NDUFAF2: variants seen among roughly 807,000 people sequenced by gnomAD.
NDUFAF2 encodes the protein NADH dehydrogenase [ubiquinone] 1 alpha subcomplex assembly factor 2.
NDUFAF2 carries 13 observed loss-of-function variants against 22.8 expected under a neutral mutation model. That is an observed-to-expected ratio of 0.57 (90% CI 0.37 to 0.91). The LOEUF (loss-of-function observed/expected upper bound fraction) is 0.91, where lower values mean the gene tolerates loss of function less well. NDUFAF2 is among the 40% of genes least tolerant of loss of function. The pLI, the probability that NDUFAF2 is intolerant of heterozygous loss-of-function variation, is 0.01. For missense variants in NDUFAF2, 162 were observed against 195.2 expected, an observed-to-expected ratio of 0.83 and a Z score of 1.01; for synonymous variants, 53 against 64.2, an observed-to-expected ratio of 0.83 and a Z score of 0.84.
chr5:61,041,960 A>G (rs1396233167), intron 1 of NDUFAF2, among the ~76,000 whole-genome samples: 1 of 152,204 alleles, frequency 6.6e-6, no homozygotes, highest in Admixed American at 6.5e-5. Flanking sequence ...TTTTCCTGAC[A>G]TATCATGTGA....
intron 3 of NDUFAF2, among the ~76,000 whole-genome samples, chr5:61,140,422 CAG>C (rs1579851543): frequency 6.6e-6 from 1 of 152,134 alleles, no homozygotes; most frequent in Admixed American, 6.5e-5. Context: ...CTATAGTTGC[CAG>C]AGTCATCTTT....
At chr5:61,105,629 C>CAAAAAAAAAAAAAAAAAAAA (rs35145386) in intron 3 of NDUFAF2, among the ~76,000 whole-genome samples, 1 of 117,782 alleles carries the variant, frequency 8.5e-6, no homozygotes. Context: ...TGATACTGAG[C>CAAAAAAAAAAAAAAAAAAAA]AAAAAAAAAA....
At chr5:60,982,279 C>T (rs1161167715) in intron 1 of NDUFAF2, among the ~76,000 whole-genome samples, 1 of 152,090 alleles carries the variant, frequency 6.6e-6, no homozygotes, top group Non-Finnish European at 1.5e-5. Flanking sequence ...TTCCACATGG[C>T]TGCAGAGGCC....
chr5:61,134,196 A>G (rs554548085), intron 3 of NDUFAF2, among the ~76,000 whole-genome samples: 34 of 152,302 alleles, frequency 2.2e-4, no homozygotes, highest in Middle Eastern at 3.4e-3. Context: ...CCTTTTATGT[A>G]AGGGTGGAGA....
At chr5:61,109,192 C>G (rs1267026635) in intron 3 of NDUFAF2, among the ~76,000 whole-genome samples, 1 of 152,002 alleles carries the variant, frequency 6.6e-6, no homozygotes, top group African/African-American at 2.4e-5. Flanking sequence ...AAGTTAAATC[C>G]TAGGCATTTA....
At chr5:61,141,064 C>T (rs1243344322) in intron 3 of NDUFAF2, among the ~76,000 whole-genome samples, 2 of 151,962 alleles carry the variant, frequency 1.3e-5, no homozygotes, top group Non-Finnish European at 2.9e-5. Context: ...CCCCTCTCTA[C>T]TAAAAATACA....
chr5:61,152,568 T>C (rs899993142), intron 3 of NDUFAF2, 136 bp from the exon 4 acceptor site: 1 of 573,324 alleles, frequency 1.7e-6, no homozygotes, highest in Non-Finnish European at 2.7e-6. Context: ...TATACATATC[T>C]GTATATTATT....
At chr5:61,052,859 AT>A (rs990091132) in intron 1 of NDUFAF2, among the ~76,000 whole-genome samples, 38 of 152,212 alleles carry the variant, frequency 2.5e-4, no homozygotes, top group African/African-American at 9.1e-4. Flanking sequence ...CTTTTTGTTG[AT>A]TTGGCTTTAT....
intron 1 of NDUFAF2, among the ~76,000 whole-genome samples, chr5:61,051,325 C>T (rs1580113595): frequency 6.6e-6 from 1 of 152,086 alleles, no homozygotes; most frequent in East Asian, 1.9e-4. Context: ...CTTTCTTGTA[C>T]TTATCGCTCT....
chr5:61,130,083 G>A (rs1241064376), intron 3 of NDUFAF2, among the ~76,000 whole-genome samples: 1 of 152,060 alleles, frequency 6.6e-6, no homozygotes, highest in Non-Finnish European at 1.5e-5. Context: ...AGAATGCAAA[G>A]GAACCAACCT....
At chr5:61,080,821 T>C (rs1752432060) in intron 2 of NDUFAF2, among the ~76,000 whole-genome samples, 1 of 152,154 alleles carries the variant, frequency 6.6e-6, no homozygotes, top group African/African-American at 2.4e-5. Flanking sequence ...TTTCATTCTC[T>C]TGACAGTGCC....
At chr5:61,133,305 C>G (rs1023166417) in intron 3 of NDUFAF2, among the ~76,000 whole-genome samples, 19 of 152,162 alleles carry the variant, frequency 1.2e-4, no homozygotes, top group Admixed American at 9.8e-4. Context: ...AGTTGGTTGA[C>G]TTTAACTTTC....
Position 61,067,440 on chromosome 5 carries a change from G to A in NDUFAF2, c.128-5685G>A, listed in dbSNP as rs1468699455. Among the ~76,000 whole-genome samples, 11 of 151,884 alleles carry A rather than the reference G, an allele frequency of 7.2e-5. No homozygotes were observed. The South Asian group carries it at 1.7e-3, about 23-fold the overall frequency. ...TTTTTTGTCCTTGCGATAGTTTGCT[G>A]AGAATGATGGTTTCCAGCTTCATCC... On this transcript the variant is annotated intron_variant, in intron 1 of 3. Transcript: ENST00000296597.
intron 1 of NDUFAF2, among the ~76,000 whole-genome samples, chr5:61,038,626 A>G (rs1028841758): frequency 2.0e-5 from 3 of 152,216 alleles, no homozygotes; most frequent in African/African-American, 7.2e-5. Flanking sequence ...TACCTTTTAA[A>G]CCAAAATCAT....
intron 1 of NDUFAF2, among the ~76,000 whole-genome samples, chr5:61,028,186 G>A (rs182364940): frequency 1.4e-4 from 22 of 152,088 alleles, no homozygotes; most frequent in Admixed American, 1.2e-3. Flanking sequence ...AGAAACCTGA[G>A]TGAAATAAGA....
At chr5:60,974,609 C>G (rs1297287398) in intron 1 of NDUFAF2, among the ~76,000 whole-genome samples, 1 of 152,022 alleles carries the variant, frequency 6.6e-6, no homozygotes, top group East Asian at 1.9e-4. Context: ...CTCCTCGCAT[C>G]CCAAAGTGCT....
chr5:61,085,672 G>A (rs1446011470), intron 2 of NDUFAF2, among the ~76,000 whole-genome samples: 2 of 151,974 alleles, frequency 1.3e-5, no homozygotes, highest in Non-Finnish European at 2.9e-5. Context: ...TCAAGATACA[G>A]GGGAATATAA....
At chr5:60,993,814 A>T (rs992857135) in intron 1 of NDUFAF2, among the ~76,000 whole-genome samples, 3 of 152,158 alleles carry the variant, frequency 2.0e-5, no homozygotes, top group African/African-American at 7.2e-5. Flanking sequence ...GCTCTGGCTG[A>T]GCCCAGGGCT....
intron 1 of NDUFAF2, among the ~76,000 whole-genome samples, chr5:61,011,759 A>G (rs1201467163): frequency 6.6e-6 from 1 of 152,104 alleles, no homozygotes; most frequent in Non-Finnish European, 1.5e-5. Context: ...CTTCCCTGGC[A>G]GGTTGTAGAT....
Sources: allele counts gnomAD v4.1 joint callset (sites outside exome capture counted in the v4.1 genomes callset), GRCh38; gene constraint gnomAD v4.1.1; transcripts MANE v1.5; gene names NCBI Gene and HGNC (gene_info 2026-07-23, HGNC 2026-07-21).